The following NMD3 variants were observed in gnomAD, a reference collection of about 807,000 sequenced individuals.
NMD3 encodes NMD3 ribosome export adaptor.
A neutral mutation model predicts 73.1 loss-of-function variants in NMD3; 47 were observed. The ratio of observed to expected loss-of-function variants is 0.64; its 90% CI spans 0.51 to 0.82. The LOEUF (loss-of-function observed/expected upper bound fraction) is 0.82. Ranked by LOEUF, NMD3 falls within the 40% of genes least tolerant of loss-of-function variation. The pLI is 0.00. For synonymous variants in NMD3, 210 were observed against 194.5 expected, an observed-to-expected ratio of 1.08 and a Z score of -0.66; for missense variants, 554 against 612.5, an observed-to-expected ratio of 0.90 and a Z score of 1.01.
At chr3:161,248,166 G>A (rs556328189) in intron 13 of NMD3, among the ~76,000 whole-genome samples, 2 of 151,766 alleles carry the variant, frequency 1.3e-5, no homozygotes, top group Non-Finnish European at 2.9e-5. Context: ...TTTCATTCTC[G>A]ATCAAAATAC....
downstream of NMD3, chr3:161,253,073 G>T: frequency 4.4e-6 from 1 of 225,470 alleles, no homozygotes; most frequent in Non-Finnish European, 8.6e-6. Flanking sequence ...CTCCAGCCTG[G>T]GCGACAGAGT....
chr3:161,239,244 T>A (rs1736881365), intron 9 of NMD3, among the ~76,000 whole-genome samples: 1 of 152,074 alleles, frequency 6.6e-6, no homozygotes, highest in Non-Finnish European at 1.5e-5. Flanking sequence ...AATGTGAAAA[T>A]GAGATCATAG....
rs1737257039 is a variant in NMD3, at chr3:161,247,331, G to C, written c.1203+1G>C. 1 of 1,600,050 alleles carries C rather than the reference G, an allele frequency of 6.2e-7. No individual in the cohort carries two copies. The highest frequency in any genetic ancestry group is 1.3e-5 in the African/African-American group (1 of 74,652). On this transcript the variant is annotated splice_donor_variant, in intron 13 of 15. Coordinates refer to ENST00000351193, the MANE Select transcript of NMD3 (RefSeq NM_015938.5). LOFTEE classifies it high-confidence loss of function. Reference sequence around the variant, plus strand: ...GAACTCAGATAGAGTTCCAGATGTGGTAAGGCTTTAGATTTTTCCCTTTTT... The same window carrying C: ...GAACTCAGATAGAGTTCCAGATGTGCTAAGGCTTTAGATTTTTCCCTTTTT...
At chr3:161,228,241 C>T (rs1013316259) in intron 4 of NMD3, among the ~76,000 whole-genome samples, 19 of 152,114 alleles carry the variant, frequency 1.2e-4, no homozygotes, top group Admixed American at 9.8e-4. Context: ...AATAAAATTT[C>T]ATGTAATAGT....
At position 161,242,495 on chromosome 3, in the gene NMD3, T is replaced by C. The variant is rs77779369; in HGVS notation, c.872-13T>C. ...ATTTTTCTTATGTTTTTGTGTTCTATCCTTATTTTTAGTGGCAGATATTGA... is the reference window on the plus strand; with the variant it reads ...ATTTTTCTTATGTTTTTGTGTTCTACCCTTATTTTTAGTGGCAGATATTGA... On this transcript the variant is annotated splice_polypyrimidine_tract_variant and intron_variant, in intron 10 of 15. Coordinates refer to ENST00000351193, the MANE Select transcript of NMD3 (RefSeq NM_015938.5). The C allele has an allele frequency of 0.039, 63,515 of 1,608,082 alleles. 1,849 individuals are homozygous for C. The highest frequency in any genetic ancestry group is 0.13 in the South Asian group (11,547 of 90,694).
chr3:161,248,382 T>G (rs1201107092), intron 13 of NMD3, among the ~76,000 whole-genome samples: 1 of 151,858 alleles, frequency 6.6e-6, no homozygotes, highest in Non-Finnish European at 1.5e-5. Context: ...CCCAGCTACT[T>G]AGGAGGCTGA....
intron 13 of NMD3, 80 bp from the exon 14 acceptor site, chr3:161,249,374 C>A: frequency 2.4e-6 from 2 of 848,924 alleles, no homozygotes; most frequent in South Asian, 1.6e-5. Context: ...TTAGTTTGGT[C>A]ATTTTTTAGC....
At position 161,247,313 on chromosome 3, in the gene NMD3, G is replaced by GA; in HGVS notation, c.1187dup (p.Asp396GlufsTer2). On this transcript the variant is annotated frameshift_variant, in exon 13 of 16. Transcript: ENST00000351193. LOFTEE classifies it high-confidence loss of function. The stretch of plus-strand genomic sequence containing the variant: ...TGAGCATGTCAACAAAATGAACTCA[G>GA]ATAGAGTTCCAGATGTGGTAAGGCT... 6.2e-7 allele frequency: 1 copy of GA among 1,606,948 alleles called. No individual in the cohort carries two copies. Among genetic ancestry groups the GA allele is most frequent in the African/African-American group, 1.3e-5 (1 of 74,882 alleles).
intron 12 of NMD3, 49 bp downstream of exon 12, chr3:161,246,497 CT>C (rs1251522836): frequency 2.6e-6 from 2 of 769,652 alleles, no homozygotes; most frequent in East Asian, 5.2e-5. Context: ...TGCAAATTTT[CT>C]TTGGGAACCA....
chr3:161,240,892 T>C (rs1736948036), intron 9 of NMD3, among the ~76,000 whole-genome samples, 154 bp from the exon 10 acceptor site: 2 of 152,048 alleles, frequency 1.3e-5, no homozygotes, highest in South Asian at 4.1e-4. Context: ...ATACTTAAGG[T>C]CTGATTCTTT....
chr3:161,246,276 C>A, intron 11 of NMD3, 60 bp from the exon 12 acceptor site: 1 of 636,418 alleles, frequency 1.6e-6, no homozygotes, highest in Non-Finnish European at 2.5e-6. Context: ...TAACTTTTCT[C>A]TGAGATGCTT....
At position 161,239,444 on chromosome 3, in the gene NMD3, A is replaced by T. The variant is rs78016969; in HGVS notation, c.753+618A>T. 3.3e-5 allele frequency among the ~76,000 whole-genome samples: 5 copies of T among 152,298 alleles called. No homozygotes were observed. In the East Asian group the frequency reaches 7.7e-4, roughly 24 times the overall value. ...GTATAACTACAGGTCTCTGCCATGT[A>T]AGAATTTATATGTCAGTATTAAATC... On this transcript the variant is annotated intron_variant, in intron 9 of 15. Coordinates refer to ENST00000351193, the MANE Select transcript of NMD3 (RefSeq NM_015938.5).
In NMD3 at chr3:161,242,627, G is replaced by A. The variant is rs374319003; in HGVS notation, c.991G>A (p.Ala331Thr). 1 of 1,612,994 alleles carries A rather than the reference G, an allele frequency of 6.2e-7. No individual in the cohort carries two copies. Among genetic ancestry groups the A allele is most frequent in the East Asian group, 2.2e-5 (1 of 44,832 alleles). Residue 331 changes from alanine (A) to threonine (T), a missense_variant, in exon 11 of 16, where the codon GCA (alanine) becomes ACA (threonine). By Grantham distance (58) the Ala-to-Thr change is moderately conservative. Transcript: ENST00000351193. ...CATAGTCCAAGATATAAAACGTGCT[G>A]CAGGTGCTGGAATGATATCAAAAAA... ...CSIVQDIKRA[A>T]GAGMISKKHT...
intron 11 of NMD3, 59 bp downstream of exon 11, chr3:161,242,712 G>A: frequency 6.6e-7 from 1 of 1,518,366 alleles, no homozygotes; most frequent in South Asian, 1.3e-5. Context: ...TATTGTTTCA[G>A]TCCCTCTTTT....
chr3:161,222,746 T>C (rs1736162151), intron 2 of NMD3, among the ~76,000 whole-genome samples: 1 of 152,178 alleles, frequency 6.6e-6, no homozygotes, highest in South Asian at 2.1e-4. Flanking sequence ...CCTGTAAACA[T>C]TGTAGTCCTT....
chr3:161,249,879 G>A (rs892799045), intron 14 of NMD3, among the ~76,000 whole-genome samples: 1 of 152,160 alleles, frequency 6.6e-6, no homozygotes, highest in Admixed American at 6.5e-5. Context: ...TGATTTTGTT[G>A]TGTGAGCATC....
chr3:161,243,192 A>T (rs560748366), intron 11 of NMD3, among the ~76,000 whole-genome samples: 1 of 152,164 alleles, frequency 6.6e-6, no homozygotes, highest in Non-Finnish European at 1.5e-5. Flanking sequence ...GTTTTTTCCT[A>T]TACATACATA....
At position 161,250,315 on chromosome 3, in the gene NMD3, A is replaced by G. The variant is rs758379900; in HGVS notation, c.1370A>G (p.Asn457Ser). The stretch of plus-strand genomic sequence containing the variant: ...GATGAGGCAATTCGAAAAAATGTCA[A>G]CATTTACAGAGGTTGGTGTTCTAGG... ...EEDEAIRKNV[N>S]IYRDSAIPVE... The change falls in exon 15 of 16, where the codon AAC becomes AGC. Residue 457 changes from asparagine to serine, a missense_variant. Physicochemically the swap from Asn to Ser is conservative, Grantham distance 46. Transcript: ENST00000351193. The G allele has an allele frequency of 1.3e-5, 20 of 1,597,968 alleles. No individual in the cohort carries two copies. Among genetic ancestry groups the G allele is most frequent in the Non-Finnish European group, 1.6e-5 (19 of 1,166,094 alleles).
chr3:161,249,587 G>A (rs1239691323), intron 14 of NMD3, 27 bp downstream of exon 14: 2 of 1,345,902 alleles, frequency 1.5e-6, no homozygotes, highest in Admixed American at 1.7e-5. Flanking sequence ...AATCTCTTAT[G>A]TTGTCTCAAA....
Sources: gnomAD v4.1 joint callset for allele counts (sites outside exome capture counted in the v4.1 genomes callset) on GRCh38, gnomAD v4.1.1 for gene constraint, MANE v1.5 for transcripts, NCBI Gene and HGNC (gene_info 2026-07-23, HGNC 2026-07-21) for gene names.